Variants in MTM1 observed in about 807,000 individuals in gnomAD.
The protein encoded by MTM1 is myotubularin.
A neutral mutation model predicts 52.1 loss-of-function variants in MTM1; 9 were observed. That is an observed-to-expected ratio of 0.17 (90% CI 0.10 to 0.30). The LOEUF (loss-of-function observed/expected upper bound fraction) is 0.30. Among genes scored for constraint, MTM1 ranks in the 10% least tolerant of loss-of-function variants. The pLI, the probability that MTM1 is intolerant of heterozygous loss-of-function variation, is 1.00. For missense variants in MTM1, 277 were observed against 470.7 expected (o/e 0.59, Z 3.81); for synonymous variants, 136 against 163.8 (o/e 0.83, Z 1.29).
At chrX:150,598,055 C>T (rs2039008415) in intron 3 of MTM1, among the ~76,000 whole-genome samples, 1 of 111,471 alleles carries the variant, frequency 9.0e-6, no homozygotes, top group South Asian at 3.8e-4. Flanking sequence ...CCACTGAACT[C>T]CAGCTTGGGC....
chrX:150,652,647 GTATA>G (rs199835037), intron 10 of MTM1, among the ~76,000 whole-genome samples: 104 of 52,772 alleles, frequency 2.0e-3, no homozygotes, highest in African/African-American at 6.0e-3. Context: ...GTGTGTGTGT[GTATA>G]TATATATACA....
At chrX:150,578,022 A>G (rs2038503430) in intron 1 of MTM1, among the ~76,000 whole-genome samples, 1 of 112,162 alleles carries the variant, frequency 8.9e-6, no homozygotes, top group Admixed American at 9.5e-5. Flanking sequence ...AGACTAGAAT[A>G]TGGAAAAAGT....
chrX:150,569,422 C>T (rs1231810406), intron 1 of MTM1, among the ~76,000 whole-genome samples: 1 of 112,847 alleles, frequency 8.9e-6, no homozygotes, highest in African/African-American at 3.2e-5. Flanking sequence ...GCTTTATAGA[C>T]GCACGCATCG....
intron 10 of MTM1, among the ~76,000 whole-genome samples, chrX:150,655,863 C>T (rs1386903952): frequency 3.6e-5 from 4 of 111,712 alleles, no homozygotes; most frequent in African/African-American, 1.3e-4. Context: ...CACTCACACT[C>T]AGGATGGGTA....
intron 8 of MTM1, 63 bp from the exon 9 acceptor site, chrX:150,645,620 G>C (rs1359246667): frequency 4.8e-6 from 5 of 1,046,738 alleles, no homozygotes; most frequent in Non-Finnish European, 6.7e-6. Context: ...CTGTTTTACA[G>C]TTTTAATTGT....
chrX:150,665,640 G>A (rs2040293216), intron 14 of MTM1, among the ~76,000 whole-genome samples: 1 of 112,253 alleles, frequency 8.9e-6, no homozygotes, highest in African/African-American at 3.2e-5. Context: ...TACTATCAAT[G>A]TTGAAAGATA....
rs781783072 is a variant in MTM1 at position 150,618,526 on chromosome X, G to A, written c.343-512G>A. ...AAAAATTAGCTGGGCGTGGTGGTGC[G>A]TTCTGTAGTCCCAGCCACTCAGGAG... On this transcript the variant is annotated intron_variant, in intron 5 of 14. Transcript: ENST00000370396. 2.8e-3 allele frequency among the ~76,000 whole-genome samples: 311 copies of A among 109,962 alleles called. 1 individual carries two copies. Among genetic ancestry groups the A allele is most frequent in the African/African-American group, 9.6e-3 (290 of 30,208 alleles).
intron 1 of MTM1, among the ~76,000 whole-genome samples, chrX:150,580,568 T>C (rs1303759883): frequency 9.0e-6 from 1 of 110,659 alleles, no homozygotes; most frequent in Non-Finnish European, 1.9e-5. Flanking sequence ...GCCCCATCTG[T>C]GAAACCTTGT....
upstream of MTM1, among the ~76,000 whole-genome samples, chrX:150,565,707 C>T (rs782200887): frequency 1.8e-5 from 2 of 111,787 alleles, no homozygotes; most frequent in South Asian, 3.7e-4. Flanking sequence ...AGCCTGCCTC[C>T]CCCAACTGCA....
At chrX:150,639,736 A>T (rs1373962509) in intron 7 of MTM1, among the ~76,000 whole-genome samples, 2 of 112,398 alleles carry the variant, frequency 1.8e-5, no homozygotes, top group African/African-American at 6.5e-5. Context: ...GTGTGATGGG[A>T]TTATTCACAA....
intron 6 of MTM1, among the ~76,000 whole-genome samples, chrX:150,624,366 A>G (rs1166013616): frequency 8.9e-6 from 1 of 112,395 alleles, no homozygotes; most frequent in Non-Finnish European, 1.9e-5. Context: ...GATATATTTT[A>G]ATAAATGTCA....
At chrX:150,665,430 T>C (rs191710738) in intron 14 of MTM1, among the ~76,000 whole-genome samples, 1 of 112,647 alleles carries the variant, frequency 8.9e-6, no homozygotes, top group Admixed American at 9.4e-5. Context: ...GTACATTAGG[T>C]TTGCTTAAAG....
Position 150,663,411 on chromosome X carries a change from TTC to T in MTM1, c.1468-14_1468-13del. 4 of 1,209,156 alleles carry T rather than the reference TTC, an allele frequency of 3.3e-6. No individual in the cohort carries two copies. The highest frequency in any genetic ancestry group is 4.5e-6 in the Non-Finnish European group (4 of 893,744). Reference sequence around the variant, plus strand: ...TGTGTTTTTACTTAGGCTCTCCACTTTCTCTCTCTGTCTCTCTGTAGAAGGTT... The same window carrying T: ...TGTGTTTTTACTTAGGCTCTCCACTTTCTCTCTGTCTCTCTGTAGAAGGTT... On this transcript the variant is annotated intron_variant, in intron 13 of 14. Transcript: ENST00000370396.
At chrX:150,667,331 T>C (rs181835166) in intron 14 of MTM1, among the ~76,000 whole-genome samples, 108 of 111,667 alleles carry the variant, frequency 9.7e-4, no homozygotes, top group Middle Eastern at 4.6e-3. Context: ...TCCCCAAAAG[T>C]CACCTCTTCA....
intron 4 of MTM1, among the ~76,000 whole-genome samples, chrX:150,600,181 G>A (rs1438522991): frequency 9.0e-6 from 1 of 111,498 alleles, no homozygotes; most frequent in Non-Finnish European, 1.9e-5. Context: ...CAATGCAGAG[G>A]AGCACATAGA....
Position 150,591,071 on chromosome X carries a change from C to T in MTM1, c.-10-1534C>T, listed in dbSNP as rs184839836. On this transcript the variant is annotated intron_variant, in intron 1 of 14. Coordinates refer to ENST00000370396, the MANE Select transcript of MTM1 (RefSeq NM_000252.3). ...GAAAGGTTTTTCAAAGCATATTTTA[C>T]GATTTTGTCTGAATTTAATTCATTT... is the stretch of plus-strand genomic sequence containing the variant. 2,705 of 721,819 alleles carry T rather than the reference C, an allele frequency of 3.7e-3. 3 individuals are homozygous for T. Among genetic ancestry groups the T allele is most frequent in the Non-Finnish European group, 4.1e-3 (2,493 of 610,942 alleles). 59.5% of individuals were successfully genotyped at this position (721,819 alleles called of 1,213,427 possible). A position where few individuals can be genotyped will look rare whatever the true frequency, so the allele number is the denominator to read the frequency against.
rs183307397 is a variant in MTM1 at position 150,612,236 on chromosome X, T to C, written c.232-2353T>C. Among the ~76,000 whole-genome samples, 26 of 111,175 alleles carry C rather than the reference T, an allele frequency of 2.3e-4. 1 individual carries two copies. The East Asian group carries it at 7.0e-3, about 30-fold the overall frequency. Reference sequence around the variant, plus strand: ...GCGATTTTCATTCCACGTGATGCCCTTAAGATTCTTCCAGGTTCCATGTAT... The same window carrying C: ...GCGATTTTCATTCCACGTGATGCCCCTAAGATTCTTCCAGGTTCCATGTAT... On this transcript the variant is annotated intron_variant, in intron 4 of 14. Transcript: ENST00000370396.
At chrX:150,588,967 C>T (rs2038837799) in intron 1 of MTM1, among the ~76,000 whole-genome samples, 1 of 111,985 alleles carries the variant, frequency 8.9e-6, no homozygotes, top group South Asian at 3.7e-4. Context: ...AGTTCATTCA[C>T]TCATTTAACA....
chrX:150,641,266 C>T lies in MTM1; in HGVS notation c.529-3C>T, dbSNP rs782392869. On this transcript the variant is annotated splice_region_variant and splice_polypyrimidine_tract_variant and intron_variant, in intron 7 of 14. Coordinates refer to ENST00000370396, the MANE Select transcript of MTM1 (RefSeq NM_000252.3). ...TGACTTGAATTTCTTTTTTTCCTCA[C>T]AGGGCTTGCCCAATCACCATTGGAG... 8.3e-7 allele frequency: 1 copy of T among 1,211,157 alleles called. No homozygotes were observed. The highest frequency in any genetic ancestry group is 1.1e-6 in the Non-Finnish European group (1 of 895,202).
Sources: allele counts gnomAD v4.1 joint callset (sites outside exome capture counted in the v4.1 genomes callset), GRCh38; gene constraint gnomAD v4.1.1; transcripts MANE v1.5; gene names NCBI Gene and HGNC (gene_info 2026-07-23, HGNC 2026-07-21).